ATP6V0A1: variants seen among roughly 807,000 people sequenced by gnomAD.
ATP6V0A1 encodes the protein V-type proton ATPase 116 kDa subunit a 1.
In ATP6V0A1, 43 loss-of-function variants were observed where a neutral mutation model predicts 105.4. The ratio of observed to expected loss-of-function variants is 0.41; its 90% CI spans 0.32 to 0.53. The LOEUF is 0.53. ATP6V0A1 is among the 20% of genes least tolerant of loss of function. The pLI is 0.30. For synonymous variants in ATP6V0A1, 362 were observed against 372.8 expected (o/e 0.97, Z 0.33); for missense variants, 676 against 1,051.1 (o/e 0.64, Z 4.93).
chr17:42,510,967 C>T (rs1286974205), intron 19 of ATP6V0A1: 4 of 151,942 alleles, frequency 2.6e-5, no homozygotes, highest in East Asian at 1.9e-4. Context: ...AGAGAAGATT[C>T]GAGATTGACT....
chr17:42,495,057 T>C lies in ATP6V0A1; in HGVS notation c.1338T>C (p.Gly446=). ...AGATGTTTAGCACTGTGTTCAGTGGTCGATACATTATTTTATTGATGGGTG... is the reference window on the plus strand; with the variant it reads ...AGATGTTTAGCACTGTGTTCAGTGGCCGATACATTATTTTATTGATGGGTG... ...ENEMFSTVFS[G]RYIILLMGVF... is the part of the protein sequence containing the mutation. Residue 446 remains glycine (G), a synonymous_variant, in exon 13 of 22, where the codon GGT becomes GGC. Coordinates refer to ENST00000343619, the MANE Select transcript of ATP6V0A1 (RefSeq NM_001130021.3). 1.2e-6 allele frequency: 2 copies of C among 1,614,070 alleles called. No homozygotes were observed. The highest frequency in any genetic ancestry group is 1.7e-6 in the Non-Finnish European group (2 of 1,179,950).
chr17:42,520,773 T>C (rs2092810806), intron 21 of ATP6V0A1: 5 of 491,114 alleles, frequency 1.0e-5, no homozygotes, highest in South Asian at 9.9e-5. Flanking sequence ...TGCAGAGAGT[T>C]GTGCATAAAC....
At position 42,494,600 on chromosome 17, in the gene ATP6V0A1, A is replaced by G. The variant is rs114597818; in HGVS notation, c.1314+127A>G. 4,256 of 1,187,668 alleles carry G rather than the reference A, an allele frequency of 3.6e-3. 113 individuals are homozygous for G. In the African/African-American group the frequency reaches 0.059, roughly 16 times the overall value. 73.6% of individuals were successfully genotyped at this position (1,187,668 alleles called of 1,614,324 possible). ...AAAAGGAAGTAGAGAAGTTATGTTC[A>G]TTTTAACACCAAAGACGACATGTGC... is the stretch of plus-strand genomic sequence containing the variant. On this transcript the variant is annotated intron_variant, in intron 12 of 21. Coordinates refer to ENST00000343619, the MANE Select transcript of ATP6V0A1 (RefSeq NM_001130021.3).
chr17:42,510,228 TC>T (rs1036896092), intron 19 of ATP6V0A1: 2 of 152,302 alleles, frequency 1.3e-5, no homozygotes, highest in African/African-American at 4.8e-5. Flanking sequence ...GGTGCATTCA[TC>T]CCATCCATCC....
At chr17:42,468,143 C>T (rs2087360124) in intron 4 of ATP6V0A1, 36 bp downstream of exon 4, 1 of 1,418,590 alleles carries the variant, frequency 7.0e-7, no homozygotes. Flanking sequence ...AAGTTTCTTT[C>T]TACTTGAACG....
At chr17:42,496,576 C>T (rs775342336) in intron 14 of ATP6V0A1, 4 of 151,256 alleles carry the variant, frequency 2.6e-5, no homozygotes, top group Non-Finnish European at 5.9e-5. Context: ...CGAGGTGGCT[C>T]ATGCCTGTAA....
intron 11 of ATP6V0A1, among the ~76,000 whole-genome samples, chr17:42,491,836 C>T (rs1312239794): frequency 5.3e-5 from 8 of 151,902 alleles, no homozygotes; most frequent in Non-Finnish European, 1.0e-4. Flanking sequence ...CCAGGATGGT[C>T]TCGATCTCCT....
At position 42,466,524 on chromosome 17, in the gene ATP6V0A1, C is replaced by G. The variant is rs749276092; in HGVS notation, c.196+17C>G. ...GAAAGCTTCGTATGTGCACTTTGGTCTTGTGTAATGTTCCTTTAATGAATC... is the reference window on the plus strand; with the variant it reads ...GAAAGCTTCGTATGTGCACTTTGGTGTTGTGTAATGTTCCTTTAATGAATC... On this transcript the variant is annotated intron_variant, in intron 3 of 21. Transcript: ENST00000343619. The G allele has an allele frequency of 5.6e-6, 9 of 1,598,548 alleles. No homozygotes were observed. The South Asian group carries it at 9.9e-5, about 18-fold the overall frequency.
chr17:42,496,420 C>G (rs2091185446), intron 14 of ATP6V0A1: 1 of 152,028 alleles, frequency 6.6e-6, no homozygotes, highest in African/African-American at 2.4e-5. Flanking sequence ...AAAAACTTAT[C>G]CGAGAATTAA....
intron 18 of ATP6V0A1, 62 bp from the exon 19 acceptor site, chr17:42,508,510 T>C: frequency 1.9e-6 from 3 of 1,604,674 alleles, no homozygotes; most frequent in Non-Finnish European, 2.6e-6. Flanking sequence ...AGCCTTGTGC[T>C]CCTAACTTGT....
rs1357030232 is a variant in ATP6V0A1, at chr17:42,483,079, A to G, written c.758A>G (p.Glu253Gly). Residue 253 changes from glutamate (E) to glycine (G), a missense_variant, in exon 9 of 22, where the codon GAG becomes GGG. By Grantham distance (98) the Glu-to-Gly change is moderately conservative. Transcript: ENST00000343619. Reference sequence around the variant, plus strand: ...TATCCCTGTCCTGAGACACCACAGGAGAGGAAGGAAATGGCTTCTGGAGTG... The same window carrying G: ...TATCCCTGTCCTGAGACACCACAGGGGAGGAAGGAAATGGCTTCTGGAGTG... ...SLYPCPETPQ[E>G]RKEMASGVNT... 1.3e-6 allele frequency: 2 copies of G among 1,575,876 alleles called. No homozygotes were observed. Among genetic ancestry groups the G allele is most frequent in the East Asian group, 2.3e-5 (1 of 43,448 alleles).
rs749516838 is a variant in ATP6V0A1, at chr17:42,470,238, T to G, written c.423+20T>G. The G allele has an allele frequency of 4.3e-6, 7 of 1,610,526 alleles. No individual in the cohort carries two copies. The African/African-American group carries it at 9.4e-5, about 22-fold the overall frequency. Reference sequence around the variant, plus strand: ...GATGAGGTCAGACTATTGTTTCTTTTAGTATTTGAGCAGCTGATATTATAC... The same window carrying G: ...GATGAGGTCAGACTATTGTTTCTTTGAGTATTTGAGCAGCTGATATTATAC... On this transcript the variant is annotated intron_variant, in intron 5 of 21. Transcript: ENST00000343619.
intron 10 of ATP6V0A1, among the ~76,000 whole-genome samples, chr17:42,490,135 A>G (rs2090492909): frequency 6.6e-6 from 1 of 152,176 alleles, no homozygotes; most frequent in African/African-American, 2.4e-5. Flanking sequence ...TTTCTCCATG[A>G]AAGGGGGAGA....
In ATP6V0A1 at chr17:42,501,266, T is replaced by C. The variant is rs746054926; in HGVS notation, c.1966T>C (p.Leu656=). The C allele has an allele frequency of 1.9e-6, 3 of 1,613,982 alleles. No individual in the cohort carries two copies. In the African/African-American group the frequency reaches 4.0e-5, roughly 22 times the overall value. The change falls in exon 17 of 22, where the codon TTG becomes CTG. Residue 656 remains leucine, a synonymous_variant. Transcript: ENST00000343619. ...ACCTTGGATGCTGCTGTTTAAACCA[T>C]TGGTCCTTCGCCGTCAGTATTTGAG... ...CVPWMLLFKP[L]VLRRQYLRRK... is the part of the protein sequence containing the mutation.
chr17:42,477,636 C>T, intron 5 of ATP6V0A1, 24 bp from the exon 6 acceptor site: 1 of 1,611,556 alleles, frequency 6.2e-7, no homozygotes, highest in Non-Finnish European at 8.5e-7. Context: ...TTTGTGAATT[C>T]AGGCTGAATT....
intron 21 of ATP6V0A1, chr17:42,520,342 TCCCA>T (rs780753387): frequency 2.8e-5 from 12 of 432,618 alleles, no homozygotes; most frequent in South Asian, 1.8e-4. Flanking sequence ...ACAGTCTTCC[TCCCA>T]CCCTCCCTGA....
intron 2 of ATP6V0A1, among the ~76,000 whole-genome samples, chr17:42,462,004 G>A (rs1208414001): frequency 6.7e-6 from 1 of 149,278 alleles, no homozygotes; most frequent in African/African-American, 2.5e-5. Context: ...CCCAGGAGTT[G>A]GAGACCAGTC....
At position 42,487,095 on chromosome 17, in the gene ATP6V0A1, AC is replaced by A. The variant is rs1216236996; in HGVS notation, c.811-57del. The A allele has an allele frequency of 7.2e-6, 11 of 1,525,034 alleles. No individual in the cohort carries two copies. The African/African-American group carries it at 1.5e-4, about 21-fold the overall frequency. 94.5% of individuals were successfully genotyped at this position (1,525,034 alleles called of 1,614,324 possible). The stretch of plus-strand genomic sequence containing the variant: ...AAAGCTATGCCTCTTTGCCATTCAT[AC>A]CCTGAGATCTAAAACTGGTGTTAAA... On this transcript the variant is annotated intron_variant, in intron 9 of 21. Coordinates refer to ENST00000343619, the MANE Select transcript of ATP6V0A1 (RefSeq NM_001130021.3).
chr17:42,494,519 C>T (rs1342315091), intron 12 of ATP6V0A1, 46 bp downstream of exon 12: 1 of 1,546,210 alleles, frequency 6.5e-7, no homozygotes, highest in Non-Finnish European at 8.8e-7. Context: ...TTTATAATTT[C>T]CCAAGCATTC....
Sources: gnomAD v4.1 joint callset for allele counts (sites outside exome capture counted in the v4.1 genomes callset) on GRCh38, gnomAD v4.1.1 for gene constraint, MANE v1.5 for transcripts, NCBI Gene and HGNC (gene_info 2026-07-23, HGNC 2026-07-21) for gene names.